The following ZBTB7A variants were observed in gnomAD, a reference collection of about 807,000 sequenced individuals.
The protein encoded by ZBTB7A is zinc finger and BTB domain-containing protein 7A.
Under a neutral mutation model 26.7 loss-of-function variants are expected in ZBTB7A, and 7 were observed. The observed-to-expected ratio is 0.26, with a 90% CI of 0.15 to 0.49. The LOEUF (loss-of-function observed/expected upper bound fraction) is 0.49. Ranked by LOEUF, ZBTB7A falls within the 20% of genes least tolerant of loss-of-function variation. The probability of loss-of-function intolerance (pLI) is 0.98; values close to 1 mark genes in which losing one functional copy is unlikely to be tolerated. For synonymous variants in ZBTB7A, 452 were observed against 441.0 expected (o/e 1.02, Z -0.31); for missense variants, 617 against 919.5 (o/e 0.67, Z 4.25).
At chr19:4,062,245 G>C (rs767797717) in intron 1 of ZBTB7A, 1 of 152,224 alleles carries the variant, frequency 6.6e-6, no homozygotes, top group East Asian at 1.9e-4. Flanking sequence ...ACAGCCTGCT[G>C]GGGGGACAGA....
chr19:4,054,338 C>A lies in ZBTB7A; in HGVS notation c.895G>T (p.Gly299Ter). The A allele has an allele frequency of 6.6e-7, 1 of 1,507,104 alleles. No homozygotes were observed. The highest frequency in any genetic ancestry group is 8.8e-7 in the Non-Finnish European group (1 of 1,135,918). The allele number at this position is 1,507,104 out of a possible 1,614,324, so 93.4% of individuals were successfully genotyped here. ...EPGDSPGFLS[G>*]AAEGEDGDGP... ...TCCCCGTCCTCGCCCTCGGCCGCTC[C>A]CGACAGGAAGCCCGGAGAGTCGCCC... Residue 299 changes from glycine to a stop codon, truncating the protein, a stop_gained, in exon 2 of 3, where the codon GGA (glycine) becomes TGA (stop). Coordinates refer to ENST00000322357, the MANE Select transcript of ZBTB7A (RefSeq NM_015898.4). LOFTEE classifies it high-confidence loss of function.
chr19:4,044,239 A>G lies in ZBTB7A; in HGVS notation c.*3513T>C, dbSNP rs2040384172. On this transcript the variant is annotated 3_prime_UTR_variant, in exon 3 of 3. Coordinates refer to ENST00000322357, the MANE Select transcript of ZBTB7A (RefSeq NM_015898.4). ...AAGACAGTGACAGGACTGCATGGCC[A>G]CAATGGTGGGGGGGCAGACTTTGGT... The G allele has an allele frequency of 1.3e-5, 2 of 152,028 alleles. No individual in the cohort carries two copies. The highest frequency in any genetic ancestry group is 2.9e-5 in the Non-Finnish European group (2 of 68,044). The allele number at this position is 152,028 out of a possible 1,614,324, so 9.4% of individuals were successfully genotyped here. A position where few individuals can be genotyped will look rare whatever the true frequency, so the allele number is the denominator to read the frequency against.
chr19:4,056,114 G>A (rs969297848), intron 1 of ZBTB7A, among the ~76,000 whole-genome samples: 3 of 151,430 alleles, frequency 2.0e-5, no homozygotes, highest in Non-Finnish European at 2.9e-5. Context: ...GCAATCAGAC[G>A]TCATGTCCCC....
Position 4,054,983 on chromosome 19 carries a change from C to A in ZBTB7A, c.250G>T (p.Ala84Ser). Reference protein sequence around the residue: ...VYEIDFVSAEALTALMDFAYT... With the variant: ...VYEIDFVSAESLTALMDFAYT... The stretch of plus-strand genomic sequence containing the variant: ...GCGAAGTCCATGAGCGCGGTGAGCG[C>A]CTCGGCGCTGACGAAGTCGATCTCG... Residue 84 changes from alanine to serine, a missense_variant, in exon 2 of 3, where the codon GCG (alanine) becomes TCG (serine). By Grantham distance (99) the Ala-to-Ser change is moderately conservative. This residue lies in a region of ZBTB7A where 82 missense variants were observed against 195.2 expected (regional missense o/e 0.42). Transcript: ENST00000322357. 1 of 1,612,022 alleles carries A rather than the reference C, an allele frequency of 6.2e-7. No homozygotes were observed.
chr19:4,049,168 G>GTGTATATATA (rs1403864466), intron 2 of ZBTB7A, among the ~76,000 whole-genome samples: 19 of 14,958 alleles, frequency 1.3e-3, no homozygotes, highest in Non-Finnish European at 2.0e-3. Flanking sequence ...GTGTGTGTGT[G>GTGTATATATA]TATATATATA....
rs183992325 is a variant in ZBTB7A at position 4,049,954 on chromosome 19, C to T, written c.1263-1710G>A. Among the ~76,000 whole-genome samples the T allele has an allele frequency of 3.3e-5, 5 of 152,258 alleles. No individual in the cohort carries two copies. In the South Asian group the frequency reaches 6.2e-4, roughly 19 times the overall value. ...TGTTTTTTTTTCTGAGACCGAGTCTCGCTCTATCTTCCAGGCTTGAGCGCA... is the reference window on the plus strand; with the variant it reads ...TGTTTTTTTTTCTGAGACCGAGTCTTGCTCTATCTTCCAGGCTTGAGCGCA... On this transcript the variant is annotated intron_variant, in intron 2 of 2. Transcript: ENST00000322357.
rs192146606 is a variant in ZBTB7A at position 4,048,106 on chromosome 19, C to T, written c.1401G>A (p.Gln467=). The part of the protein sequence containing the change: ...MRVHTGLRPY[Q]CDSCCKTFVR... ...CGAAGGTCTTGCAGCAGCTGTCGCA[C>T]TGGTAGGGGCGCAGGCCCGTGTGCA... The change falls in exon 3 of 3, where the codon CAG becomes CAA. Residue 467 remains glutamine, a synonymous_variant. Transcript: ENST00000322357. The surrounding 1 kb of genome is among the most constrained non-coding windows in gnomAD (Gnocchi z 6.7). 38 of 1,610,684 alleles carry T rather than the reference C, an allele frequency of 2.4e-5. No individual in the cohort carries two copies. The highest frequency in any genetic ancestry group is 3.1e-5 in the Non-Finnish European group (36 of 1,178,990).
chr19:4,049,406 G>C (rs1316396483), intron 2 of ZBTB7A, among the ~76,000 whole-genome samples: 1 of 150,790 alleles, frequency 6.6e-6, no homozygotes, highest in African/African-American at 2.4e-5. Flanking sequence ...TACCCCTGGG[G>C]TAGGATGAGG....
In ZBTB7A at chr19:4,054,327, C is replaced by G. The variant is rs1295586599; in HGVS notation, c.906G>C (p.Glu302Asp). 1 of 1,514,296 alleles carries G rather than the reference C, an allele frequency of 6.6e-7. No individual in the cohort carries two copies. The highest frequency in any genetic ancestry group is 8.8e-7 in the Non-Finnish European group (1 of 1,138,646). 93.8% of individuals were successfully genotyped at this position (1,514,296 alleles called of 1,614,324 possible). A position where few individuals can be genotyped will look rare whatever the true frequency, so the allele number is the denominator to read the frequency against. ...CGTCGGGCCCGTCCCCGTCCTCGCC[C>G]TCGGCCGCTCCCGACAGGAAGCCCG... ...DSPGFLSGAA[E>D]GEDGDGPDVD... Residue 302 changes from glutamate to aspartate, a missense_variant, in exon 2 of 3, where the codon GAG becomes GAC. This residue lies in a region of ZBTB7A where 331 missense variants were observed against 391.3 expected (regional missense o/e 0.85). Transcript: ENST00000322357.
chr19:4,051,897 C>T (rs1347592205), intron 2 of ZBTB7A, among the ~76,000 whole-genome samples: 2 of 152,090 alleles, frequency 1.3e-5, no homozygotes, highest in Non-Finnish European at 2.9e-5. Flanking sequence ...TTCATCACCC[C>T]GAGCCCCAGC....
chr19:4,053,631 CTG>C (rs898460283), intron 2 of ZBTB7A, among the ~76,000 whole-genome samples: 6 of 146,168 alleles, frequency 4.1e-5, no homozygotes, highest in East Asian at 2.0e-4. Flanking sequence ...TGGTGTGCAT[CTG>C]TGTCTGCATG....
At chr19:4,058,610 G>A (rs890176887) in intron 1 of ZBTB7A, among the ~76,000 whole-genome samples, 2 of 152,184 alleles carry the variant, frequency 1.3e-5, no homozygotes, top group Non-Finnish European at 2.9e-5. Context: ...TCGGGCCAGA[G>A]CCCCTGGGCA....
rs1258582523 is a variant in ZBTB7A at position 4,052,827 on chromosome 19, C to T, written c.1262+1144G>A. Among the ~76,000 whole-genome samples, 1 of 152,208 alleles carries T rather than the reference C, an allele frequency of 6.6e-6. No individual in the cohort carries two copies. Among genetic ancestry groups the T allele is most frequent in the Non-Finnish European group, 1.5e-5 (1 of 68,032 alleles). ...AAGTCCTGTGGCTCCCAGGGGGGCA[C>T]AGTGATCTCTCAAGCTGAGCTGGCC... is the stretch of plus-strand genomic sequence containing the variant. On this transcript the variant is annotated intron_variant, in intron 2 of 2. Coordinates refer to ENST00000322357, the MANE Select transcript of ZBTB7A (RefSeq NM_015898.4). This position sits in a 1 kb window ranked among gnomAD's most constrained non-coding sequence, Gnocchi z 4.9.
At position 4,046,447 on chromosome 19, in the gene ZBTB7A, T is replaced by TG. The variant is rs2040418692; in HGVS notation, c.*1304_*1305insC. On this transcript the variant is annotated 3_prime_UTR_variant, in exon 3 of 3. Transcript: ENST00000322357. ...CTCTCGCTCGCTTTTTTTTTTTTTT[T>TG]TTGTCTTTTCAACTTTTCATAGAAG... 6.3e-6 allele frequency: 1 copy of TG among 159,292 alleles called. No individual in the cohort carries two copies. The highest frequency in any genetic ancestry group is 1.4e-5 in the Non-Finnish European group (1 of 73,364). 9.9% of individuals were successfully genotyped at this position (159,292 alleles called of 1,614,324 possible). A position where few individuals can be genotyped will look rare whatever the true frequency, so the allele number is the denominator to read the frequency against.
intron 2 of ZBTB7A, among the ~76,000 whole-genome samples, chr19:4,053,326 G>A (rs1354252176): frequency 2.6e-5 from 4 of 152,250 alleles, no homozygotes; most frequent in Admixed American, 1.3e-4. Flanking sequence ...TCAGGGAAGC[G>A]TTCGTTGGCT....
In ZBTB7A at chr19:4,049,168, G is replaced by GTATATATATATATATATATA. The variant is rs1181215162; in HGVS notation, c.1263-944_1263-925dup. 2.7e-4 allele frequency among the ~76,000 whole-genome samples: 4 copies of GTATATATATATATATATATA among 14,958 alleles called. 1 individual carries two copies. The highest frequency in any genetic ancestry group is 3.1e-3 in the South Asian group (1 of 322). The allele number at this position is 14,958 out of a possible 152,430, so 9.8% of individuals were successfully genotyped here. ...ACTATATGTGTGTGTGTGTGTGTGTGTATATATATATATATATATATATAT... is the reference window on the plus strand; with the variant it reads ...ACTATATGTGTGTGTGTGTGTGTGTGTATATATATATATATATATATATATATATATATATATATATATAT... On this transcript the variant is annotated intron_variant, in intron 2 of 2. Coordinates refer to ENST00000322357, the MANE Select transcript of ZBTB7A (RefSeq NM_015898.4).
In ZBTB7A at chr19:4,047,607, A is replaced by G. The variant is rs909927662; in HGVS notation, c.*145T>C. On this transcript the variant is annotated 3_prime_UTR_variant, in exon 3 of 3. Coordinates refer to ENST00000322357, the MANE Select transcript of ZBTB7A (RefSeq NM_015898.4). Reference sequence around the variant, plus strand: ...CTAGATTCTGTGACGCGTCATATATATATATCTGTATATATATATATAGAT... The same window carrying G: ...CTAGATTCTGTGACGCGTCATATATGTATATCTGTATATATATATATAGAT... 2 of 597,590 alleles carry G rather than the reference A, an allele frequency of 3.3e-6. No homozygotes were observed. Among genetic ancestry groups the G allele is most frequent in the Non-Finnish European group, 5.0e-6 (2 of 402,334 alleles). The allele number at this position is 597,590 out of a possible 1,614,324, so 37.0% of individuals were successfully genotyped here.
chr19:4,049,168 G>GTGTA (rs1403864466), intron 2 of ZBTB7A, among the ~76,000 whole-genome samples: 11 of 14,950 alleles, frequency 7.4e-4, no homozygotes, highest in African/African-American at 1.4e-3. Flanking sequence ...GTGTGTGTGT[G>GTGTA]TATATATATA....
chr19:4,064,860 CCAA>C (rs993793504), intron 1 of ZBTB7A, among the ~76,000 whole-genome samples: 14 of 152,178 alleles, frequency 9.2e-5, no homozygotes, highest in South Asian at 6.2e-4. Flanking sequence ...CTGCATTCCG[CCAA>C]CATTTAGTGG....
Sources: gnomAD v4.1 joint callset for allele counts (sites outside exome capture counted in the v4.1 genomes callset) on GRCh38, gnomAD v4.1.1 for gene constraint, gnomAD v4.1.1 regional missense constraint, Gnocchi (gnomAD v3.1) non-coding constraint, MANE v1.5 for transcripts, NCBI Gene and HGNC (gene_info 2026-07-23, HGNC 2026-07-21) for gene names.